Variants in ANO5 observed in about 807,000 individuals in gnomAD.
ANO5 encodes anoctamin-5.
Under a neutral mutation model 121.0 loss-of-function variants are expected in ANO5, and 109 were observed. That is an observed-to-expected ratio of 0.90 (90% confidence interval 0.77 to 1.06). ANO5 has a LOEUF of 1.06. Among genes scored for constraint, ANO5 ranks in the 50% least tolerant of loss-of-function variants. ANO5 has a pLI of 0.00. For missense variants in ANO5, 1,064 were observed against 1,078.5 expected (o/e 0.99, Z 0.19); for synonymous variants, 406 against 359.9 (o/e 1.13, Z -1.45).
rs1853214556 is a variant in ANO5, at chr11:22,236,242, C to A, written c.728C>A (p.Ser243Tyr). Reference protein sequence around the residue: ...KRFGIERLLNSNTYSSAYPLH... With the variant: ...KRFGIERLLNYNTYSSAYPLH... ...TTTGGGATTGAAAGACTGCTAAACT[C>A]TAACACTTACTCATCTGCCTATCCA... Residue 243 changes from serine to tyrosine, a missense_variant, in exon 8 of 22, where the codon TCT (serine) becomes TAT (tyrosine). Ser to Tyr is a moderately radical substitution (Grantham distance 144). Coordinates refer to ENST00000324559, the MANE Select transcript of ANO5 (RefSeq NM_213599.3). The A allele has an allele frequency of 6.2e-7, 1 of 1,613,174 alleles. No homozygotes were observed. The highest frequency in any genetic ancestry group is 8.5e-7 in the Non-Finnish European group (1 of 1,179,402).
intron 5 of ANO5, among the ~76,000 whole-genome samples, chr11:22,224,361 A>G (rs1852756516): frequency 6.6e-6 from 1 of 152,128 alleles, no homozygotes. Flanking sequence ...TCAATAAGGT[A>G]CTGGCATAAC....
In ANO5 at chr11:22,251,843, G is replaced by A. The variant is rs12286141; in HGVS notation, c.1180+832G>A. ...AGATCGAGATTACCCTGGCTAACAC[G>A]GTGAAACCCCGTCTCTACTAAAAAA... is the stretch of plus-strand genomic sequence containing the variant. On this transcript the variant is annotated intron_variant, in intron 12 of 21. Coordinates refer to ENST00000324559, the MANE Select transcript of ANO5 (RefSeq NM_213599.3). Among the ~76,000 whole-genome samples, 338 of 151,516 alleles carry A rather than the reference G, an allele frequency of 2.2e-3. 4 individuals are homozygous for A. Among genetic ancestry groups the A allele is most frequent in the Middle Eastern group, 6.8e-3 (2 of 294 alleles).
chr11:22,224,975 A>G (rs1852775601), intron 5 of ANO5, among the ~76,000 whole-genome samples: 2 of 151,960 alleles, frequency 1.3e-5, no homozygotes, highest in African/African-American at 4.8e-5. Flanking sequence ...GATAGAGTAG[A>G]TTGGTGGCTA....
chr11:22,226,822 G>T (rs1218317873), intron 6 of ANO5, among the ~76,000 whole-genome samples: 1 of 152,120 alleles, frequency 6.6e-6, no homozygotes, highest in Non-Finnish European at 1.5e-5. Context: ...ATGAACCTTT[G>T]TTACCTAAAG....
At chr11:22,227,152 G>C in intron 6 of ANO5, 150 bp from the exon 7 acceptor site, 1 of 967,130 alleles carries the variant, frequency 1.0e-6, no homozygotes, top group Non-Finnish European at 1.5e-6. Flanking sequence ...TGTGAATTTT[G>C]TTTTCTCAAA....
In ANO5 at chr11:22,255,354, T is replaced by C. The variant is rs980510729; in HGVS notation, c.1181-17T>C. On this transcript the variant is annotated splice_polypyrimidine_tract_variant and intron_variant, in intron 12 of 21. Transcript: ENST00000324559. ...ACTTTTTTAATATCTTTTTTTTATA[T>C]ATTTATTTACCTATAGTCACCTTAT... 1.3e-6 allele frequency: 2 copies of C among 1,550,970 alleles called. No homozygotes were observed. The highest frequency in any genetic ancestry group is 1.4e-5 in the African/African-American group (1 of 72,532).
intron 1 of ANO5, among the ~76,000 whole-genome samples, chr11:22,195,556 G>A (rs1187700871): frequency 1.3e-5 from 2 of 152,088 alleles, no homozygotes; most frequent in Non-Finnish European, 2.9e-5. Context: ...AGCCTCTGGA[G>A]TGTCTTGGAC....
intron 6 of ANO5, among the ~76,000 whole-genome samples, chr11:22,226,963 A>G (rs1264294606): frequency 6.6e-6 from 1 of 152,100 alleles, no homozygotes; most frequent in African/African-American, 2.4e-5. Context: ...AAACTTAAGA[A>G]ATTGCCCAGA....
In ANO5 at chr11:22,212,947, C is replaced by T. The variant is rs183366469; in HGVS notation, c.138+1633C>T. ...ATACATATAATTTAATTTTTAAATT[C>T]TAAGTGACTTTAAAATGATGTATGA... On this transcript the variant is annotated intron_variant, in intron 3 of 21. Transcript: ENST00000324559. 3.7e-3 allele frequency among the ~76,000 whole-genome samples: 565 copies of T among 151,040 alleles called. 7 individuals are homozygous for T. Among genetic ancestry groups the T allele is most frequent in the African/African-American group, 0.013 (531 of 41,342 alleles).
At chr11:22,204,312 T>G (rs901075579) in intron 2 of ANO5, among the ~76,000 whole-genome samples, 4 of 152,150 alleles carry the variant, frequency 2.6e-5, no homozygotes, top group African/African-American at 9.6e-5. Context: ...AGAATTCTTT[T>G]AACCAAAGGA....
At chr11:22,270,089 C>T (rs1854552787) in intron 17 of ANO5, among the ~76,000 whole-genome samples, 1 of 152,148 alleles carries the variant, frequency 6.6e-6, no homozygotes, top group African/African-American at 2.4e-5. Context: ...AAGATTGTCT[C>T]ATTTTCTCAA....
Position 22,208,134 on chromosome 11 carries a change from T to C in ANO5, c.88-3130T>C, listed in dbSNP as rs190200596. 1.8e-3 allele frequency among the ~76,000 whole-genome samples: 275 copies of C among 152,204 alleles called. 3 individuals are homozygous for C. The highest frequency in any genetic ancestry group is 6.1e-3 in the African/African-American group (254 of 41,572). On this transcript the variant is annotated intron_variant, in intron 2 of 21. Coordinates refer to ENST00000324559, the MANE Select transcript of ANO5 (RefSeq NM_213599.3). ...AAACTGTTGGGCAGTTTCTTAAAAA[T>C]CTAAATTATGATTTTCATGTAAGTT...
chr11:22,239,062 C>A (rs1853333506), intron 8 of ANO5, among the ~76,000 whole-genome samples: 1 of 152,102 alleles, frequency 6.6e-6, no homozygotes, highest in Admixed American at 6.6e-5. Context: ...CAATACCAAG[C>A]CCCTTAAATG....
chr11:22,241,434 G>A lies in ANO5; in HGVS notation c.878+1750G>A, dbSNP rs183989099. 4.6e-5 allele frequency among the ~76,000 whole-genome samples: 7 copies of A among 152,038 alleles called. No individual in the cohort carries two copies. The East Asian group carries it at 1.4e-3, about 29-fold the overall frequency. On this transcript the variant is annotated intron_variant, in intron 9 of 21. Coordinates refer to ENST00000324559, the MANE Select transcript of ANO5 (RefSeq NM_213599.3). ...CAGTAATGAGATTGTTGGGTCAAAT[G>A]GCAGCTCTGTTTTAAGTTCTTTGCA... is the stretch of plus-strand genomic sequence containing the variant.
At chr11:22,240,894 G>A (rs9734743) in intron 9 of ANO5, among the ~76,000 whole-genome samples, 22,614 of 151,594 alleles carry the variant, frequency 0.15, 4,903 homozygotes, top group African/African-American at 0.48. Flanking sequence ...TATTACTGAT[G>A]TCCTTCTATG....
chr11:22,257,807 G>C, intron 14 of ANO5, 53 bp downstream of exon 14: 1 of 1,448,560 alleles, frequency 6.9e-7, no homozygotes, highest in South Asian at 1.2e-5. Context: ...GATTAAATGA[G>C]CTATCTCAAC....
At chr11:22,270,572 A>T in intron 18 of ANO5, 130 bp downstream of exon 18, 1 of 1,341,540 alleles carries the variant, frequency 7.5e-7, no homozygotes, top group Non-Finnish European at 1.0e-6. Context: ...AAAAAAGATG[A>T]GTGGAGGGAT....
At chr11:22,205,046 A>T (rs1410910335) in intron 2 of ANO5, among the ~76,000 whole-genome samples, 1 of 152,160 alleles carries the variant, frequency 6.6e-6, no homozygotes, top group East Asian at 1.9e-4. Flanking sequence ...TCCTTGGCAG[A>T]AACATGGATG....
chr11:22,193,540 C>A lies in ANO5; in HGVS notation c.40+8C>A. On this transcript the variant is annotated splice_region_variant and intron_variant, in intron 1 of 21. Coordinates refer to ENST00000324559, the MANE Select transcript of ANO5 (RefSeq NM_213599.3). ...AAGTGTTGGCGGAGGAAGGTAGGAC[C>A]GCGCCAAGAGGCGTCAAGGGAGAGC... The A allele has an allele frequency of 6.2e-7, 1 of 1,612,194 alleles. No homozygotes were observed. Among genetic ancestry groups the A allele is most frequent in the South Asian group, 1.1e-5 (1 of 90,566 alleles).
Sources: gnomAD v4.1 joint callset for allele counts (sites outside exome capture counted in the v4.1 genomes callset) on GRCh38, gnomAD v4.1.1 for gene constraint, MANE v1.5 for transcripts, NCBI Gene and HGNC (gene_info 2026-07-23, HGNC 2026-07-21) for gene names.